FOXJ3: variants seen among roughly 807,000 people sequenced by gnomAD.
FOXJ3 encodes the protein forkhead box protein J3.
FOXJ3 carries 22 observed loss-of-function variants against 76.1 expected under a neutral mutation model. The ratio of observed to expected loss-of-function variants is 0.29; its 90% CI spans 0.21 to 0.41. The LOEUF (loss-of-function observed/expected upper bound fraction) is 0.41, where lower values mean the gene tolerates loss of function less well. FOXJ3 is among the 10% of genes least tolerant of loss of function. FOXJ3 has a pLI of 1.00. For missense variants in FOXJ3, 613 were observed against 762.1 expected (o/e 0.80, Z 2.30); for synonymous variants, 269 against 261.2 (o/e 1.03, Z -0.29).
chr1:42,191,441 G>C lies in FOXJ3; in HGVS notation c.1213C>G (p.Gln405Glu). 1.2e-6 allele frequency: 2 copies of C among 1,613,342 alleles called. No individual in the cohort carries two copies. The highest frequency in any genetic ancestry group is 1.7e-6 in the Non-Finnish European group (2 of 1,179,352). ...GGGGACTGGAGCTGGCTGTGTTGCT[G>C]TGGGTGTGGTGCTGGGTGTGGGGAA... ...QRSPHPAPHP[Q>E]QHSQLQSPHP... The change falls in exon 9 of 13, where the codon CAG becomes GAG. Residue 405 changes from glutamine (Q) to glutamate (E), a missense_variant. Transcript: ENST00000361346.
intron 1 of FOXJ3, among the ~76,000 whole-genome samples, chr1:42,331,339 G>T (rs887949775): frequency 9.9e-5 from 15 of 152,020 alleles, no homozygotes; most frequent in African/African-American, 3.6e-4. Flanking sequence ...CCGAGATGGC[G>T]CCACTGCACT....
intron 8 of FOXJ3, among the ~76,000 whole-genome samples, 166 bp from the exon 9 acceptor site, chr1:42,191,885 T>TG: frequency 6.6e-6 from 1 of 152,262 alleles, no homozygotes; most frequent in Middle Eastern, 3.4e-3. Context: ...CTGTGGTTAT[T>TG]GAGAAGAAAT....
chr1:42,198,065 T>C (rs917454715), intron 7 of FOXJ3, among the ~76,000 whole-genome samples: 1 of 152,204 alleles, frequency 6.6e-6, no homozygotes, highest in African/African-American at 2.4e-5. Flanking sequence ...GCATAGATTT[T>C]TTCCCCATTA....
At chr1:42,330,581 T>A (rs759856367) in intron 1 of FOXJ3, among the ~76,000 whole-genome samples, 20 of 151,986 alleles carry the variant, frequency 1.3e-4, no homozygotes, top group Admixed American at 3.9e-4. Flanking sequence ...GAGGTTGCAA[T>A]GAGCCATGAT....
At chr1:42,225,319 A>G (rs1196512907) in intron 5 of FOXJ3, among the ~76,000 whole-genome samples, 2 of 152,090 alleles carry the variant, frequency 1.3e-5, no homozygotes, top group African/African-American at 4.8e-5. Context: ...GACCATCACT[A>G]TTTGCCCTAG....
intron 1 of FOXJ3, among the ~76,000 whole-genome samples, chr1:42,325,176 T>G (rs949216060): frequency 2.0e-5 from 3 of 152,220 alleles, no homozygotes; most frequent in African/African-American, 4.8e-5. Context: ...CAATGTTGTT[T>G]GATTAAGTTC....
intron 4 of FOXJ3, among the ~76,000 whole-genome samples, chr1:42,235,863 T>C (rs1278991302): frequency 6.6e-6 from 1 of 152,152 alleles, no homozygotes; most frequent in Non-Finnish European, 1.5e-5. Flanking sequence ...AGTTTTCTGA[T>C]TTTTTGTAGA....
chr1:42,255,130 G>A (rs1215477081), intron 4 of FOXJ3, among the ~76,000 whole-genome samples: 1 of 152,066 alleles, frequency 6.6e-6, no homozygotes, highest in Non-Finnish European at 1.5e-5. Context: ...ATCCTAAGAC[G>A]GGATTTACGG....
At chr1:42,295,833 C>T (rs1653753006) in intron 2 of FOXJ3, among the ~76,000 whole-genome samples, 1 of 152,006 alleles carries the variant, frequency 6.6e-6, no homozygotes, top group Non-Finnish European at 1.5e-5. Context: ...GTCCAGGTGT[C>T]TTTTGTATAT....
chr1:42,194,545 G>A (rs1182193816), intron 8 of FOXJ3, among the ~76,000 whole-genome samples: 1 of 152,108 alleles, frequency 6.6e-6, no homozygotes, highest in East Asian at 1.9e-4. Context: ...CTATTCTTGT[G>A]GTGCAACATT....
intron 11 of FOXJ3, 44 bp downstream of exon 11, chr1:42,188,693 G>A (rs554500): frequency 0.25 from 333,750 of 1,319,816 alleles, 43,619 homozygotes; most frequent in African/African-American, 0.34. Flanking sequence ...AATTTCGTAC[G>A]AATGAGAAAA....
Position 42,191,596 on chromosome 1 carries a change from T to C in FOXJ3, c.1058A>G (p.His353Arg), listed in dbSNP as rs906195845. The C allele has an allele frequency of 2.5e-6, 4 of 1,614,188 alleles. No individual in the cohort carries two copies. The highest frequency in any genetic ancestry group is 3.4e-6 in the Non-Finnish European group (4 of 1,180,028). ...GCCTGTGGTGTTGAGGCCACTGCCA[T>C]GACTGTTGGACAGGCTGCTTTGGTT... is the stretch of plus-strand genomic sequence containing the variant. ...HSNQSSLSNS[H>R]GSGLNTTGSN... The change falls in exon 9 of 13, where the codon CAT becomes CGT. Residue 353 changes from histidine to arginine, a missense_variant. Around this residue, in one of 3 missense-constraint regions of FOXJ3, gnomAD observed 526 missense variants for 601.4 expected, o/e 0.87. Transcript: ENST00000361346.
In FOXJ3 at chr1:42,310,431, A is replaced by T. The variant is rs185399142; in HGVS notation, c.44+619T>A. Reference sequence around the variant, plus strand: ...AGTGCTAGGATTACAGGCATGAGCCACCGCACCTGGGCTTTTTTCTTTTTT... The same window carrying T: ...AGTGCTAGGATTACAGGCATGAGCCTCCGCACCTGGGCTTTTTTCTTTTTT... On this transcript the variant is annotated intron_variant, in intron 2 of 12. Transcript: ENST00000361346. 2.3e-3 allele frequency among the ~76,000 whole-genome samples: 341 copies of T among 149,698 alleles called. 1 individual carries two copies. The highest frequency in any genetic ancestry group is 5.1e-3 in the Admixed American group (77 of 15,046).
intron 1 of FOXJ3, among the ~76,000 whole-genome samples, chr1:42,324,828 G>C (rs1007923330): frequency 1.3e-5 from 2 of 152,190 alleles, no homozygotes; most frequent in Non-Finnish European, 2.9e-5. Context: ...GTTGCTCAGA[G>C]TGAGTGAGTG....
intron 1 of FOXJ3, among the ~76,000 whole-genome samples, chr1:42,331,278 A>G (rs1557731843): frequency 6.6e-6 from 1 of 151,992 alleles, no homozygotes; most frequent in Non-Finnish European, 1.5e-5. Flanking sequence ...GCTACTGTGG[A>G]GGGTGAGGTG....
intron 10 of FOXJ3, 29 bp downstream of exon 10, chr1:42,189,274 G>C: frequency 7.4e-7 from 1 of 1,358,954 alleles, no homozygotes; most frequent in Non-Finnish European, 1.1e-6. Context: ...TGTGTATTTG[G>C]TTATATGTCA....
intron 1 of FOXJ3, chr1:42,334,243 T>C: frequency 3.2e-6 from 1 of 307,962 alleles, no homozygotes; most frequent in Non-Finnish European, 4.7e-6. Flanking sequence ...CTAAGCCCTG[T>C]TATGTCCCCT....
intron 2 of FOXJ3, among the ~76,000 whole-genome samples, chr1:42,291,088 A>G (rs2124704958): frequency 6.8e-6 from 1 of 147,512 alleles, no homozygotes; most frequent in East Asian, 1.9e-4. Context: ...ATAGATAGAC[A>G]GACAGACAGA....
At chr1:42,283,499 T>A (rs546018466) in intron 2 of FOXJ3, among the ~76,000 whole-genome samples, 1 of 152,276 alleles carries the variant, frequency 6.6e-6, no homozygotes, top group Non-Finnish European at 1.5e-5. Context: ...AGAAAGTTTT[T>A]CAAGTTTCAA....
Sources: gnomAD v4.1 joint callset for allele counts (sites outside exome capture counted in the v4.1 genomes callset) on GRCh38, gnomAD v4.1.1 for gene constraint, gnomAD v4.1.1 regional missense constraint, MANE v1.5 for transcripts, NCBI Gene and HGNC (gene_info 2026-07-23, HGNC 2026-07-21) for gene names.